DLG2: variants seen among roughly 807,000 people sequenced by gnomAD.
DLG2 encodes the protein discs large MAGUK scaffold protein 2, also known as disks large homolog 2.
Under a neutral mutation model 132.5 loss-of-function variants are expected in DLG2, and 45 were observed. The observed-to-expected ratio is 0.34, with a 90% confidence interval of 0.27 to 0.44. The LOEUF is 0.44. Among genes scored for constraint, DLG2 ranks in the 20% least tolerant of loss-of-function variants. DLG2 has a pLI of 1.00. For missense variants in DLG2, 1,045 were observed against 1,196.9 expected, an observed-to-expected ratio of 0.87 and a Z score of 1.87; for synonymous variants, 424 against 419.6, an observed-to-expected ratio of 1.01 and a Z score of -0.13.
intron 3 of DLG2, among the ~76,000 whole-genome samples, chr11:85,478,350 T>C (rs73503543): frequency 6.6e-6 from 1 of 152,036 alleles, no homozygotes; most frequent in South Asian, 2.1e-4. Flanking sequence ...GTGTAATTAT[T>C]CTAATAGAAT....
intron 6 of DLG2, among the ~76,000 whole-genome samples, chr11:84,535,861 A>G (rs963104145): frequency 2.0e-5 from 3 of 152,028 alleles, no homozygotes; most frequent in Non-Finnish European, 4.4e-5. Context: ...GGATCTAAAC[A>G]TTGTCATAAC....
chr11:83,586,625 A>C (rs1419083247), intron 19 of DLG2, among the ~76,000 whole-genome samples: 1 of 152,228 alleles, frequency 6.6e-6, no homozygotes, highest in Admixed American at 6.5e-5. Context: ...TGAGTGCCAC[A>C]TACTGTTCTA....
chr11:84,914,835 T>A (rs181409640), intron 6 of DLG2, among the ~76,000 whole-genome samples: 1 of 152,178 alleles, frequency 6.6e-6, no homozygotes, highest in Non-Finnish European at 1.5e-5. Context: ...AATAGAAAAC[T>A]TTCTCTTGGG....
At chr11:85,141,100 A>G (rs2076440590) in intron 5 of DLG2, among the ~76,000 whole-genome samples, 1 of 151,820 alleles carries the variant, frequency 6.6e-6, no homozygotes, top group Admixed American at 6.6e-5. Context: ...GGGATTGCTC[A>G]ATCATATGGT....
At chr11:85,332,669 T>C (rs1480828349) in intron 3 of DLG2, among the ~76,000 whole-genome samples, 1 of 152,178 alleles carries the variant, frequency 6.6e-6, no homozygotes, top group Non-Finnish European at 1.5e-5. Flanking sequence ...CAATCTTCTG[T>C]GTATGACTGG....
intron 7 of DLG2, among the ~76,000 whole-genome samples, chr11:84,316,323 A>T (rs1314384855): frequency 6.6e-6 from 1 of 152,192 alleles, no homozygotes; most frequent in Non-Finnish European, 1.5e-5. Context: ...TAGTGTAAAT[A>T]ATTGTTCTTC....
chr11:84,308,538 C>T (rs905174330), intron 7 of DLG2, among the ~76,000 whole-genome samples: 2 of 152,212 alleles, frequency 1.3e-5, no homozygotes, highest in Non-Finnish European at 2.9e-5. Context: ...GCCAGTCCCC[C>T]GCCGTGCGCC....
intron 4 of DLG2, among the ~76,000 whole-genome samples, chr11:85,264,982 T>A (rs1163591122): frequency 2.0e-5 from 3 of 152,210 alleles, no homozygotes; most frequent in African/African-American, 7.2e-5. Context: ...TACATTCTAG[T>A]CATGCAGAGC....
chr11:84,459,928 G>A (rs2099075847), intron 7 of DLG2, among the ~76,000 whole-genome samples: 1 of 150,554 alleles, frequency 6.6e-6, no homozygotes, highest in Non-Finnish European at 1.5e-5. Flanking sequence ...TATGACAACT[G>A]TCCTTACTTT....
At chr11:85,258,081 T>C (rs1039077462) in intron 4 of DLG2, among the ~76,000 whole-genome samples, 2 of 152,198 alleles carry the variant, frequency 1.3e-5, no homozygotes, top group African/African-American at 4.8e-5. Context: ...AGGGGCTTCC[T>C]CTTCCTTTTA....
chr11:85,531,441 C>T (rs997083269), intron 3 of DLG2, among the ~76,000 whole-genome samples: 2 of 152,202 alleles, frequency 1.3e-5, no homozygotes, highest in Non-Finnish European at 2.9e-5. Context: ...TTTATATCTG[C>T]TTTGTGCCAG....
chr11:84,364,569 G>C (rs1214382419), intron 7 of DLG2, among the ~76,000 whole-genome samples: 1 of 152,130 alleles, frequency 6.6e-6, no homozygotes, highest in African/African-American at 2.4e-5. Flanking sequence ...TGGTGAGAGA[G>C]GACATCCCTG....
chr11:84,291,180 T>C (rs570866443), intron 7 of DLG2, among the ~76,000 whole-genome samples: 3 of 152,142 alleles, frequency 2.0e-5, no homozygotes, highest in Non-Finnish European at 4.4e-5. Flanking sequence ...TTATTACATA[T>C]GACTGACCAT....
At chr11:84,900,289 C>A (rs1461975639) in intron 6 of DLG2, among the ~76,000 whole-genome samples, 1 of 151,914 alleles carries the variant, frequency 6.6e-6, no homozygotes, top group Admixed American at 6.6e-5. Context: ...TAGGTAAAAC[C>A]TAACTTAAAT....
At chr11:84,170,186 C>T (rs1394871225) in intron 8 of DLG2, among the ~76,000 whole-genome samples, 2 of 152,114 alleles carry the variant, frequency 1.3e-5, no homozygotes, top group East Asian at 3.9e-4. Flanking sequence ...TGTATCTTTG[C>T]CTAAGTATGG....
chr11:84,685,632 G>A (rs571846859), intron 6 of DLG2, among the ~76,000 whole-genome samples: 2 of 152,324 alleles, frequency 1.3e-5, no homozygotes, highest in African/African-American at 2.4e-5. Context: ...GTCACAGCAT[G>A]AGAACATCAG....
At chr11:83,485,869 AC>A (rs776350416) in intron 21 of DLG2, among the ~76,000 whole-genome samples, 1 of 152,172 alleles carries the variant, frequency 6.6e-6, no homozygotes, top group Non-Finnish European at 1.5e-5. Context: ...GTAATTCATT[AC>A]TTTTTTAGGT....
chr11:84,789,929 T>G (rs11234183), intron 6 of DLG2, among the ~76,000 whole-genome samples: 1 of 152,218 alleles, frequency 6.6e-6, no homozygotes, highest in Admixed American at 6.5e-5. Context: ...TTCCTTTTTA[T>G]AGTTGAACAG....
chr11:84,851,072 A>G (rs2082111187), intron 6 of DLG2, among the ~76,000 whole-genome samples: 1 of 152,138 alleles, frequency 6.6e-6, no homozygotes, highest in African/African-American at 2.4e-5. Context: ...ATGAATATTC[A>G]AAAACAGAAC....
Sources: allele counts gnomAD v4.1 joint callset (sites outside exome capture counted in the v4.1 genomes callset), GRCh38; gene constraint gnomAD v4.1.1; transcripts MANE v1.5; gene names NCBI Gene and HGNC (gene_info 2026-07-23, HGNC 2026-07-21).